TUFT1: variants seen among roughly 807,000 people sequenced by gnomAD.
TUFT1 encodes tuftelin 1.
Under a neutral mutation model 57.8 loss-of-function variants are expected in TUFT1, and 43 were observed. That is an observed-to-expected ratio of 0.74 (90% CI 0.58 to 0.96). The LOEUF is 0.96. Ranked by LOEUF, TUFT1 falls within the 40% of genes least tolerant of loss-of-function variation. The pLI, the probability that TUFT1 is intolerant of heterozygous loss-of-function variation, is 0.00. For missense variants in TUFT1, 459 were observed against 489.0 expected (o/e 0.94, Z 0.58); for synonymous variants, 166 against 176.7 (o/e 0.94, Z 0.48).
chr1:151,572,611 C>T (rs995093035), intron 7 of TUFT1, among the ~76,000 whole-genome samples: 1 of 152,152 alleles, frequency 6.6e-6, no homozygotes, highest in Admixed American at 6.5e-5. Flanking sequence ...CTCAGTCTCT[C>T]CTAGTGAATT....
Position 151,554,653 on chromosome 1 carries a change from C to G in TUFT1, c.61-7438C>G, listed in dbSNP as rs548474576. On this transcript the variant is annotated intron_variant, in intron 1 of 12. Transcript: ENST00000368849. ...GACCTCGTGATCTACCTACCTTGGC[C>G]TCCCCAAAGTGCTGGGACTGTGAAC... Among the ~76,000 whole-genome samples, 7 of 149,282 alleles carry G rather than the reference C, an allele frequency of 4.7e-5. No individual in the cohort carries two copies. The South Asian group carries it at 1.1e-3, about 23-fold the overall frequency.
chr1:151,547,316 G>T (rs1415663685), intron 1 of TUFT1, among the ~76,000 whole-genome samples: 1 of 152,238 alleles, frequency 6.6e-6, no homozygotes, highest in Non-Finnish European at 1.5e-5. Flanking sequence ...TCTCCAGGGT[G>T]GAGGGGGGCG....
chr1:151,574,209 T>C, intron 7 of TUFT1, 61 bp from the exon 8 acceptor site: 1 of 1,562,624 alleles, frequency 6.4e-7, no homozygotes, highest in Non-Finnish European at 8.6e-7. Context: ...TTTTCTAAGG[T>C]TTTTTTCCAT....
chr1:151,581,558 A>G (rs1242153864), intron 12 of TUFT1, 86 bp from the exon 13 acceptor site: 4 of 1,340,312 alleles, frequency 3.0e-6, no homozygotes, highest in South Asian at 1.2e-5. Context: ...CCAGAGGCCA[A>G]TGTGAAGATT....
chr1:151,581,521 G>A (rs534187037), intron 12 of TUFT1, 123 bp from the exon 13 acceptor site: 2 of 899,850 alleles, frequency 2.2e-6, no homozygotes, highest in East Asian at 2.6e-5. Context: ...GAACCCAAGT[G>A]ATCAGCCAGC....
intron 7 of TUFT1, among the ~76,000 whole-genome samples, chr1:151,572,636 A>G (rs771583188): frequency 6.6e-5 from 10 of 152,192 alleles, no homozygotes; most frequent in Non-Finnish European, 1.3e-4. Context: ...TCCTTGGTCT[A>G]CTTTTCTGAA....
chr1:151,555,776 CAAA>C (rs776491723), intron 1 of TUFT1, among the ~76,000 whole-genome samples: 7 of 70,388 alleles, frequency 9.9e-5, no homozygotes, highest in Admixed American at 1.5e-4. Flanking sequence ...GACTCCGTCT[CAAA>C]AAAAAAAAAA....
At position 151,582,855 on chromosome 1, in the gene TUFT1, C is replaced by T. The variant is rs1158067292; in HGVS notation, c.*1148C>T. On this transcript the variant is annotated 3_prime_UTR_variant, in exon 13 of 13. Coordinates refer to ENST00000368849, the MANE Select transcript of TUFT1 (RefSeq NM_020127.3). ...GACCCAGATGAGTTCTTCACTAGCC[C>T]TTCTGAACCCCTTGCTCCATAATTG... The T allele has an allele frequency of 6.6e-6, 1 of 152,098 alleles. No individual in the cohort carries two copies. Among genetic ancestry groups the T allele is most frequent in the African/African-American group, 2.4e-5 (1 of 41,406 alleles). The allele number at this position is 152,098 out of a possible 1,614,324, so 9.4% of individuals were successfully genotyped here.
At chr1:151,580,237 A>G (rs1464843253) in intron 11 of TUFT1, among the ~76,000 whole-genome samples, 1 of 152,214 alleles carries the variant, frequency 6.6e-6, no homozygotes. Flanking sequence ...AAAATGGGAG[A>G]AAGGGTTATC....
chr1:151,567,395 G>A (rs1439127334), intron 6 of TUFT1, among the ~76,000 whole-genome samples: 4 of 151,872 alleles, frequency 2.6e-5, no homozygotes, highest in Admixed American at 1.3e-4. Context: ...CACCACACCT[G>A]GCTAATTTTT....
chr1:151,565,596 G>A (rs1362317029), intron 5 of TUFT1, among the ~76,000 whole-genome samples: 4 of 152,270 alleles, frequency 2.6e-5, no homozygotes, highest in African/African-American at 9.6e-5. Flanking sequence ...CCTAATGTGT[G>A]CAGAGACTGG....
At chr1:151,575,272 G>A (rs902309334) in intron 9 of TUFT1, among the ~76,000 whole-genome samples, 2 of 152,206 alleles carry the variant, frequency 1.3e-5, no homozygotes, top group Non-Finnish European at 2.9e-5. Context: ...CCAAGGGCAA[G>A]CAAGAGCTGG....
In TUFT1 at chr1:151,564,419, A is replaced by G. The variant is rs114630561; in HGVS notation, c.325-106A>G. On this transcript the variant is annotated intron_variant, in intron 4 of 12. Coordinates refer to ENST00000368849, the MANE Select transcript of TUFT1 (RefSeq NM_020127.3). ...CCATCCTGCAGCCAGTCGTTAGGAC[A>G]GTGCCTGACTCGCAGTACAGGCCAG... 2.8e-3 allele frequency: 2,137 copies of G among 776,738 alleles called. 43 individuals are homozygous for G. In the African/African-American group the frequency reaches 0.033, roughly 12 times the overall value. 48.1% of individuals were successfully genotyped at this position (776,738 alleles called of 1,614,324 possible).
rs748949200 is a variant in TUFT1 at position 151,574,309 on chromosome 1, A to G, written c.634A>G (p.Asn212Asp). 6.2e-7 allele frequency: 1 copy of G among 1,614,168 alleles called. No homozygotes were observed. The highest frequency in any genetic ancestry group is 8.5e-7 in the Non-Finnish European group (1 of 1,180,022). Residue 212 changes from asparagine (N) to aspartate (D), a missense_variant, in exon 8 of 13, where the codon AAT becomes GAT. Physicochemically the swap from Asn to Asp is conservative, Grantham distance 23. Transcript: ENST00000368849. ...SRYQREAEQS[N>D]VALQREEDRV... The stretch of plus-strand genomic sequence containing the variant: ...GTACCAGAGGGAAGCAGAACAAAGT[A>G]ATGTGGCCCTTCAGAGAGAGGAGGA...
chr1:151,569,265 G>A (rs1261175480), intron 6 of TUFT1, among the ~76,000 whole-genome samples: 1 of 152,144 alleles, frequency 6.6e-6, no homozygotes, highest in Non-Finnish European at 1.5e-5. Context: ...CTGTCCTGTG[G>A]GAACTCTAGT....
Position 151,582,365 on chromosome 1 carries a change from G to A in TUFT1, c.*658G>A. On this transcript the variant is annotated 3_prime_UTR_variant, in exon 13 of 13. Coordinates refer to ENST00000368849, the MANE Select transcript of TUFT1 (RefSeq NM_020127.3). ...GCCTTTTGCGGAAAAATTCTCTAGG[G>A]CTACAGACAGTCATGTGTGACTTCT... 1 of 373,982 alleles carries A rather than the reference G, an allele frequency of 2.7e-6. No homozygotes were observed. Among genetic ancestry groups the A allele is most frequent in the Non-Finnish European group, 5.3e-6 (1 of 188,988 alleles). 23.2% of individuals were successfully genotyped at this position (373,982 alleles called of 1,614,324 possible).
At position 151,569,662 on chromosome 1, in the gene TUFT1, C is replaced by T. The variant is rs1666189261; in HGVS notation, c.486C>T (p.Asp162=). The T allele has an allele frequency of 1.9e-6, 3 of 1,613,340 alleles. No individual in the cohort carries two copies. The highest frequency in any genetic ancestry group is 2.5e-6 in the Non-Finnish European group (3 of 1,179,546). Residue 162 remains aspartate, a synonymous_variant, in exon 7 of 13, where the codon GAC becomes GAT. Coordinates refer to ENST00000368849, the MANE Select transcript of TUFT1 (RefSeq NM_020127.3). ...CTTCCTTGTTCTGGCTGTAGGTGGA[C>T]ACCTGTATAAATGAGGATGTTGAGA... The part of the protein sequence containing the change: ...TALYSSPPEV[D]TCINEDVESL...
At chr1:151,556,418 C>T (rs750082558) in intron 1 of TUFT1, among the ~76,000 whole-genome samples, 2 of 151,242 alleles carry the variant, frequency 1.3e-5, no homozygotes, top group Non-Finnish European at 2.9e-5. Context: ...TCCCACCCCC[C>T]AGCTCCTCTC....
At chr1:151,579,510 G>A (rs1457123110) in intron 10 of TUFT1, 139 bp from the exon 11 acceptor site, 2 of 724,532 alleles carry the variant, frequency 2.8e-6, no homozygotes, top group Non-Finnish European at 4.6e-6. Flanking sequence ...TTGACTGAAA[G>A]GAGGCCTTTG....
Sources: gnomAD v4.1 joint callset for allele counts (sites outside exome capture counted in the v4.1 genomes callset) on GRCh38, gnomAD v4.1.1 for gene constraint, MANE v1.5 for transcripts, NCBI Gene and HGNC (gene_info 2026-07-23, HGNC 2026-07-21) for gene names.